Variants in PHACTR1 observed in about 807,000 individuals in gnomAD.
The protein encoded by PHACTR1 is phosphatase and actin regulator 1.
A neutral mutation model predicts 69.2 loss-of-function variants in PHACTR1; 16 were observed. The ratio of observed to expected loss-of-function variants is 0.23; its 90% CI spans 0.16 to 0.35. The LOEUF is 0.35. Ranked by LOEUF, PHACTR1 falls within the 10% of genes least tolerant of loss-of-function variation. The probability of loss-of-function intolerance (pLI) is 1.00; values close to 1 mark genes in which losing one functional copy is unlikely to be tolerated. For missense variants in PHACTR1, 510 were observed against 734.7 expected (o/e 0.69, Z 3.54); for synonymous variants, 312 against 284.5 (o/e 1.10, Z -0.97).
chr6:13,024,529 A>G (rs1236380164), intron 4 of PHACTR1, among the ~76,000 whole-genome samples: 4 of 152,312 alleles, frequency 2.6e-5, no homozygotes, highest in African/African-American at 9.6e-5. Flanking sequence ...TGATTTATGC[A>G]TCCCTTTACC....
At chr6:13,199,635 A>G (rs1764935509) in intron 7 of PHACTR1, among the ~76,000 whole-genome samples, 1 of 152,208 alleles carries the variant, frequency 6.6e-6, no homozygotes, top group Non-Finnish European at 1.5e-5. Context: ...TATGTAGGAA[A>G]AGCTAATTGT....
chr6:13,028,267 T>G (rs1801980657), intron 4 of PHACTR1, among the ~76,000 whole-genome samples: 1 of 152,210 alleles, frequency 6.6e-6, no homozygotes, highest in African/African-American at 2.4e-5. Flanking sequence ...TTGTGAGAGA[T>G]AAAGAAACAC....
At chr6:12,813,528 G>A (rs990589985) in intron 4 of PHACTR1, among the ~76,000 whole-genome samples, 3 of 152,162 alleles carry the variant, frequency 2.0e-5, no homozygotes, top group African/African-American at 7.2e-5. Flanking sequence ...AAGTCCCTCT[G>A]CCATTAGAGA....
intron 5 of PHACTR1, among the ~76,000 whole-genome samples, chr6:13,098,352 C>G (rs1283731501): frequency 6.6e-6 from 1 of 152,186 alleles, no homozygotes; most frequent in Non-Finnish European, 1.5e-5. Flanking sequence ...CCTTCTCTCT[C>G]CCTTGCTACT....
At chr6:12,903,060 C>A (rs1582393483) in intron 4 of PHACTR1, among the ~76,000 whole-genome samples, 2 of 152,162 alleles carry the variant, frequency 1.3e-5, no homozygotes. Context: ...TGAGAGGTGA[C>A]AAAGTGTGGT....
intron 4 of PHACTR1, among the ~76,000 whole-genome samples, chr6:12,924,570 C>T (rs1788063518): frequency 6.6e-6 from 1 of 152,012 alleles, no homozygotes; most frequent in South Asian, 2.1e-4. Context: ...GTCAGAAGAT[C>T]GAGACCATCC....
At chr6:12,771,925 A>G (rs1376302729) in intron 4 of PHACTR1, among the ~76,000 whole-genome samples, 2 of 152,272 alleles carry the variant, frequency 1.3e-5, no homozygotes, top group Non-Finnish European at 2.9e-5. Context: ...TGCAGCAGAG[A>G]GACCAGGGAG....
intron 4 of PHACTR1, among the ~76,000 whole-genome samples, chr6:13,018,749 T>C (rs1800531437): frequency 6.6e-6 from 1 of 152,316 alleles, no homozygotes; most frequent in East Asian, 1.9e-4. Flanking sequence ...AGGAAAAGCC[T>C]CTTTCAGTTT....
At chr6:13,244,209 A>G (rs369497632) in intron 10 of PHACTR1, among the ~76,000 whole-genome samples, 3 of 152,288 alleles carry the variant, frequency 2.0e-5, no homozygotes, top group African/African-American at 4.8e-5. Context: ...AGGGGTTTTC[A>G]AAAGGGGAGG....
Position 13,286,759 on chromosome 6 carries a change from G to T in PHACTR1, c.1728-304G>T, listed in dbSNP as rs145957165. Among the ~76,000 whole-genome samples the T allele has an allele frequency of 1.3e-4, 20 of 152,316 alleles. No homozygotes were observed. The East Asian group carries it at 3.5e-3, about 26-fold the overall frequency. ...ATTGATTTAATTCTGACTTTCTTTT[G>T]GGGGGAACATTTAGAGAAATAGGAT... On this transcript the variant is annotated intron_variant, in intron 14 of 14. Coordinates refer to ENST00000332995, the MANE Select transcript of PHACTR1 (RefSeq NM_030948.6).
At chr6:12,751,382 G>A (rs912158391) in intron 4 of PHACTR1, among the ~76,000 whole-genome samples, 1 of 152,192 alleles carries the variant, frequency 6.6e-6, no homozygotes, top group Non-Finnish European at 1.5e-5. Flanking sequence ...CAGATTCAGC[G>A]TATGGTTGTG....
At chr6:13,158,816 T>G (rs188212319) in intron 5 of PHACTR1, among the ~76,000 whole-genome samples, 8 of 152,370 alleles carry the variant, frequency 5.3e-5, no homozygotes, top group Admixed American at 2.0e-4. Context: ...TTGCTTGCTT[T>G]CTTTCTAGTT....
At chr6:12,993,986 T>A (rs1562106301) in intron 4 of PHACTR1, among the ~76,000 whole-genome samples, 1 of 151,822 alleles carries the variant, frequency 6.6e-6, no homozygotes, top group Non-Finnish European at 1.5e-5. Context: ...AAATAAGATA[T>A]AAATATAAAG....
At chr6:12,825,794 G>C (rs2127718994) in intron 4 of PHACTR1, among the ~76,000 whole-genome samples, 1 of 152,108 alleles carries the variant, frequency 6.6e-6, no homozygotes, top group Admixed American at 6.5e-5. Flanking sequence ...CATCTGCTAG[G>C]GTACTGCCTT....
chr6:13,285,001 G>A (rs925989466), intron 13 of PHACTR1, among the ~76,000 whole-genome samples: 3 of 152,220 alleles, frequency 2.0e-5, no homozygotes, highest in Non-Finnish European at 4.4e-5. Flanking sequence ...GCCCCTGACA[G>A]ACAAACCCAG....
chr6:13,114,183 G>A (rs897649666), intron 5 of PHACTR1, among the ~76,000 whole-genome samples: 1 of 152,160 alleles, frequency 6.6e-6, no homozygotes, highest in East Asian at 1.9e-4. Context: ...CCTCTCCTCT[G>A]CCAAGACCTG....
chr6:12,718,759 A>G lies in PHACTR1; in HGVS notation c.15A>G (p.Lys5=), dbSNP rs773455818. ...GAACATCAAGGATGGATTATCCCAA[A>G]ATGGATTATTTTCTGGATGTAGAGT... MDYP[K]MDYFLDVESA... Residue 5 remains lysine, a synonymous_variant, in exon 3 of 15, where the codon AAA becomes AAG. Transcript: ENST00000332995. 9.0e-6 allele frequency: 14 copies of G among 1,554,288 alleles called. No homozygotes were observed. The Admixed American group carries it at 9.6e-5, about 11-fold the overall frequency.
chr6:12,985,489 C>A (rs767366307), intron 4 of PHACTR1, among the ~76,000 whole-genome samples: 27 of 146,186 alleles, frequency 1.8e-4, no homozygotes, highest in Non-Finnish European at 3.9e-4. Context: ...TTTATATTGA[C>A]CATACTACAT....
intron 4 of PHACTR1, among the ~76,000 whole-genome samples, chr6:12,942,644 A>G (rs945231921): frequency 1.3e-5 from 2 of 152,172 alleles, no homozygotes; most frequent in African/African-American, 4.8e-5. Context: ...GGGCGACAGA[A>G]CGAGATCCTG....
Sources: gnomAD v4.1 joint callset for allele counts (sites outside exome capture counted in the v4.1 genomes callset) on GRCh38, gnomAD v4.1.1 for gene constraint, MANE v1.5 for transcripts, NCBI Gene and HGNC (gene_info 2026-07-23, HGNC 2026-07-21) for gene names.